NWD2: variants seen among roughly 807,000 people sequenced by gnomAD.
NWD2 encodes NACHT and WD repeat domain containing 2.
A neutral mutation model predicts 132.7 loss-of-function variants in NWD2; 37 were observed. That is an observed-to-expected ratio of 0.28 (90% CI 0.21 to 0.37). The LOEUF is 0.37. Among genes scored for constraint, NWD2 ranks in the 10% least tolerant of loss-of-function variants. The pLI, the probability that NWD2 is intolerant of heterozygous loss-of-function variation, is 1.00. For synonymous variants in NWD2, 705 were observed against 803.0 expected (o/e 0.88, Z 2.06); for missense variants, 1,592 against 2,122.4 (o/e 0.75, Z 4.91).
intron 2 of NWD2, among the ~76,000 whole-genome samples, chr4:37,347,688 A>G (rs1488769908): frequency 6.6e-6 from 1 of 152,186 alleles, no homozygotes; most frequent in East Asian, 1.9e-4. Context: ...TACAAATTCA[A>G]TGGCATACTG....
At chr4:37,422,257 G>A (rs1711837931) in intron 3 of NWD2, among the ~76,000 whole-genome samples, 1 of 152,206 alleles carries the variant, frequency 6.6e-6, no homozygotes, top group African/African-American at 2.4e-5. Flanking sequence ...TGAAACTTCT[G>A]TTTTACATGT....
intron 3 of NWD2, among the ~76,000 whole-genome samples, chr4:37,410,727 C>G (rs1031453082): frequency 6.6e-6 from 1 of 152,114 alleles, no homozygotes; most frequent in African/African-American, 2.4e-5. Context: ...TATTCTAAAA[C>G]TGACCAAATA....
rs373065052 is a variant in NWD2 at position 37,290,162 on chromosome 4, G to C, written c.152-35774G>C. ...AATTAGATGTGCACACCATTTCAGA[G>C]ATAAATTTAGCCAACATCTATTAAA... On this transcript the variant is annotated intron_variant, in intron 1 of 6. Transcript: ENST00000309447. 3.9e-5 allele frequency among the ~76,000 whole-genome samples: 6 copies of C among 152,252 alleles called. No individual in the cohort carries two copies. The South Asian group carries it at 1.0e-3, about 26-fold the overall frequency.
intron 3 of NWD2, among the ~76,000 whole-genome samples, chr4:37,396,161 T>C (rs1444767097): frequency 6.6e-6 from 1 of 152,094 alleles, no homozygotes; most frequent in Non-Finnish European, 1.5e-5. Context: ...TACTGGGAGC[T>C]CTTTCATGGA....
intron 1 of NWD2, among the ~76,000 whole-genome samples, chr4:37,324,203 TTCC>T (rs1719126511): frequency 6.6e-6 from 1 of 152,162 alleles, no homozygotes; most frequent in Non-Finnish European, 1.5e-5. Flanking sequence ...CTTATCCTCC[TTCC>T]AATTGTGCAT....
intron 3 of NWD2, among the ~76,000 whole-genome samples, chr4:37,405,347 G>A (rs1720976966): frequency 6.6e-6 from 1 of 151,982 alleles, no homozygotes; most frequent in Non-Finnish European, 1.5e-5. Context: ...TTTGAAATGT[G>A]GGTAGCAGTC....
chr4:37,301,369 C>T (rs1437667187), intron 1 of NWD2, among the ~76,000 whole-genome samples: 2 of 152,012 alleles, frequency 1.3e-5, no homozygotes, highest in East Asian at 1.9e-4. Flanking sequence ...AATCTTTCAA[C>T]AAATCTGGGA....
chr4:37,245,552 T>C (rs1333304644), intron 1 of NWD2, among the ~76,000 whole-genome samples: 19 of 149,100 alleles, frequency 1.3e-4, no homozygotes, highest in Admixed American at 6.7e-4. Flanking sequence ...CCCCGCCCTT[T>C]TTTTTTTTTT....
chr4:37,245,254 C>T, intron 1 of NWD2, 36 bp downstream of exon 1: 1 of 1,507,174 alleles, frequency 6.6e-7, no homozygotes, highest in Non-Finnish European at 8.9e-7. Context: ...GTCCGTCCTT[C>T]TGTCCGTCAG....
intron 1 of NWD2, among the ~76,000 whole-genome samples, chr4:37,297,588 A>G (rs1718522680): frequency 6.6e-6 from 1 of 152,192 alleles, no homozygotes. Context: ...ATTAGGAACT[A>G]CCAGTTGTCC....
At chr4:37,441,277 A>G (rs928993386) in intron 6 of NWD2, among the ~76,000 whole-genome samples, 1 of 152,248 alleles carries the variant, frequency 6.6e-6, no homozygotes, top group African/African-American at 2.4e-5. Flanking sequence ...GCCTTTGAAC[A>G]GGAATTTGTA....
chr4:37,280,616 G>T (rs1308503819), intron 1 of NWD2, among the ~76,000 whole-genome samples: 1 of 152,136 alleles, frequency 6.6e-6, no homozygotes, highest in Admixed American at 6.6e-5. Flanking sequence ...TACTGTGTCA[G>T]TCAAGGTTCC....
chr4:37,380,090 A>G (rs1439399990), intron 3 of NWD2, among the ~76,000 whole-genome samples: 2 of 152,246 alleles, frequency 1.3e-5, no homozygotes, highest in East Asian at 3.8e-4. Flanking sequence ...AGCACTAAGC[A>G]TTTTCTCACG....
chr4:37,247,946 TATATTAGTTC>T (rs1276868268), intron 1 of NWD2, among the ~76,000 whole-genome samples: 2 of 152,128 alleles, frequency 1.3e-5, no homozygotes, highest in Non-Finnish European at 2.9e-5. Context: ...TACTTTCCCA[TATATTAGTTC>T]ATTCAATATT....
In NWD2 at chr4:37,430,584, GA is replaced by G; in HGVS notation, c.375del (p.Lys125AsnfsTer18). Reference protein sequence around the residue: ...AGPCFVGLLGEKYGNIRIPGE... With the variant: ...AGPCFVGLLGXKYGNIRIPGE... Reference sequence around the variant, plus strand: ...TGTTGATACACAGGGACTATTAGGTGAAAAATATGGGAATATCCGAATCCCT... The same window carrying G: ...TGTTGATACACAGGGACTATTAGGTGAAAATATGGGAATATCCGAATCCCT... On this transcript the variant is annotated frameshift_variant, in exon 4 of 7. Coordinates refer to ENST00000309447, the MANE Select transcript of NWD2 (RefSeq NM_001144990.2). LOFTEE classifies it high-confidence loss of function. 1 of 1,551,406 alleles carries G rather than the reference GA, an allele frequency of 6.4e-7. No individual in the cohort carries two copies. The highest frequency in any genetic ancestry group is 8.7e-7 in the Non-Finnish European group (1 of 1,146,766).
chr4:37,295,287 T>C (rs1718451137), intron 1 of NWD2, among the ~76,000 whole-genome samples: 1 of 152,214 alleles, frequency 6.6e-6, no homozygotes, highest in African/African-American at 2.4e-5. Context: ...ATTCCTTAGA[T>C]GTTTCAATAT....
chr4:37,300,182 G>A (rs563371261), intron 1 of NWD2, among the ~76,000 whole-genome samples: 1 of 152,250 alleles, frequency 6.6e-6, no homozygotes, highest in East Asian at 1.9e-4. Context: ...TGCTTCAGTA[G>A]CACTTTGCTT....
intron 1 of NWD2, among the ~76,000 whole-genome samples, chr4:37,245,944 C>A (rs1211293242): frequency 1.3e-5 from 2 of 152,176 alleles, no homozygotes; most frequent in African/African-American, 4.8e-5. Flanking sequence ...CATTCACAAC[C>A]ACAGAGGTTG....
intron 1 of NWD2, among the ~76,000 whole-genome samples, chr4:37,258,801 T>A (rs1240483288): frequency 6.6e-6 from 1 of 152,250 alleles, no homozygotes; most frequent in African/African-American, 2.4e-5. Flanking sequence ...TTGAAACTCA[T>A]TCTCTGTCCC....
Sources: gnomAD v4.1 joint callset for allele counts (sites outside exome capture counted in the v4.1 genomes callset) on GRCh38, gnomAD v4.1.1 for gene constraint, MANE v1.5 for transcripts, NCBI Gene and HGNC (gene_info 2026-07-23, HGNC 2026-07-21) for gene names.